LTBP4: variants seen among roughly 807,000 people sequenced by gnomAD.
LTBP4 encodes the protein latent-transforming growth factor beta-binding protein 4.
Under a neutral mutation model 180.2 loss-of-function variants are expected in LTBP4, and 93 were observed. That is an observed-to-expected ratio of 0.52 (90% CI 0.44 to 0.61). The LOEUF is 0.61. LTBP4 is among the 20% of genes least tolerant of loss of function. The probability of loss-of-function intolerance (pLI) is 0.00; values close to 1 mark genes in which losing one functional copy is unlikely to be tolerated. For missense variants in LTBP4, 2,116 were observed against 2,256.5 expected, an observed-to-expected ratio of 0.94 and a Z score of 1.26; for synonymous variants, 947 against 934.5, an observed-to-expected ratio of 1.01 and a Z score of -0.24.
At chr19:40,615,908 C>T (rs1464790711) in intron 19 of LTBP4, among the ~76,000 whole-genome samples, 1 of 152,128 alleles carries the variant, frequency 6.6e-6, no homozygotes, top group Non-Finnish European at 1.5e-5. Flanking sequence ...TAAATACATA[C>T]GTATAACATC....
At chr19:40,595,050 G>A (rs2081383225) in intron 1 of LTBP4, among the ~76,000 whole-genome samples, 2 of 152,054 alleles carry the variant, frequency 1.3e-5, no homozygotes, top group Admixed American at 6.5e-5. Context: ...TGGGGGCGGG[G>A]CTAACGCTAC....
In LTBP4 at chr19:40,626,003, G is replaced by C; in HGVS notation, c.3979G>C (p.Asp1327His). 6.2e-7 allele frequency: 1 copy of C among 1,601,306 alleles called. No homozygotes were observed. The change falls in exon 27 of 30, where the codon GAC becomes CAC. Residue 1327 changes from aspartate to histidine, a missense_variant. This residue lies in a region of LTBP4 where 488 missense variants were observed against 458.8 expected (regional missense o/e 1.06). Coordinates refer to ENST00000396819, the MANE Select transcript of LTBP4 (RefSeq NM_001042545.2). ...GMDCALCPAQ[D>H]SDDFEALCNV... Reference sequence around the variant, plus strand: ...GGACTGCGCCCTCTGCCCTGCGCAGGACTCAGGTGCTGGCACTGGCCTAGG... The same window carrying C: ...GGACTGCGCCCTCTGCCCTGCGCAGCACTCAGGTGCTGGCACTGGCCTAGG...
rs1278707858 is a variant in LTBP4, at chr19:40,616,413, A to C, written c.2813-476A>C. On this transcript the variant is annotated intron_variant, in intron 19 of 29. Transcript: ENST00000396819. ...CATCACCAGCCTGGCCAATATGATG[A>C]AACCCCATCTCTACTAAAGAAAAAA... 2.0e-5 allele frequency among the ~76,000 whole-genome samples: 3 copies of C among 152,078 alleles called. No homozygotes were observed. The East Asian group carries it at 5.8e-4, about 29-fold the overall frequency.
chr19:40,612,960 AACTCATGAG>A, intron 15 of LTBP4, 96 bp from the exon 16 acceptor site: 1 of 1,120,310 alleles, frequency 8.9e-7, no homozygotes, highest in Non-Finnish European at 1.3e-6. Context: ...CCCAGCCTCC[AACTCATGAG>A]ACTTCCCACC....
At position 40,625,917 on chromosome 19, in the gene LTBP4, G is replaced by A. The variant is rs774126104; in HGVS notation, c.3893G>A (p.Arg1298Gln). The change falls in exon 27 of 30, where the codon CGG (arginine) becomes CAG (glutamine). Residue 1298 changes from arginine (R) to glutamine (Q), a missense_variant. This residue lies in a region of LTBP4 where 488 missense variants were observed against 458.8 expected (regional missense o/e 1.06). Coordinates refer to ENST00000396819, the MANE Select transcript of LTBP4 (RefSeq NM_001042545.2). ...VGADLVCSHP[R>Q]LDRQATYTEC... is the part of the protein sequence containing the mutation. ...GCTGACCTCGTGTGCAGCCACCCTC[G>A]GCTGGACCGTCAGGCCACCTACACA... 8.1e-6 allele frequency: 13 copies of A among 1,603,544 alleles called. No individual in the cohort carries two copies. The highest frequency in any genetic ancestry group is 1.3e-5 in the African/African-American group (1 of 74,730).
intron 19 of LTBP4, among the ~76,000 whole-genome samples, chr19:40,616,167 G>GCTTGTAAT (rs1366642459): frequency 6.6e-6 from 1 of 152,002 alleles, no homozygotes; most frequent in Non-Finnish European, 1.5e-5. Flanking sequence ...GGTGGCACAA[G>GCTTGTAAT]CTTGTAATCC....
intron 1 of LTBP4, among the ~76,000 whole-genome samples, chr19:40,594,732 C>T (rs2081381931): frequency 6.6e-6 from 1 of 152,096 alleles, no homozygotes; most frequent in African/African-American, 2.4e-5. Flanking sequence ...GTCACCTGCC[C>T]CAGGGACTGT....
At chr19:40,604,938 A>G in intron 1 of LTBP4, 97 bp from the exon 2 acceptor site, 1 of 1,122,618 alleles carries the variant, frequency 8.9e-7, no homozygotes, top group South Asian at 1.5e-5. Context: ...CTAAGGGCGG[A>G]GCGACTTAGA....
At chr19:40,602,550 C>T (rs569554839) in intron 1 of LTBP4, among the ~76,000 whole-genome samples, 6 of 152,296 alleles carry the variant, frequency 3.9e-5, no homozygotes, top group Admixed American at 3.3e-4. Flanking sequence ...GCCTGAGCCC[C>T]CGCCCGCTGC....
upstream of LTBP4, chr19:40,599,750 A>T (rs917174914): frequency 3.4e-5 from 20 of 593,704 alleles, no homozygotes; most frequent in Non-Finnish European, 5.3e-5. Context: ...CCATCTCTGC[A>T]TTATTTCTGT....
chr19:40,614,833 A>G (rs2081535662), intron 19 of LTBP4, among the ~76,000 whole-genome samples: 1 of 151,212 alleles, frequency 6.6e-6, no homozygotes, highest in Admixed American at 6.6e-5. Flanking sequence ...CGCGCCCTCC[A>G]CCAGTCCTAC....
In LTBP4 at chr19:40,625,985, G is replaced by A. The variant is rs377003640; in HGVS notation, c.3961G>A (p.Ala1321Thr). Reference protein sequence around the residue: ...LYGEAWGMDCALCPAQDSDDF... With the variant: ...LYGEAWGMDCTLCPAQDSDDF... ...TGGAGAGGCCTGGGGCATGGACTGC[G>A]CCCTCTGCCCTGCGCAGGACTCAGG... The change falls in exon 27 of 30, where the codon GCC becomes ACC. Residue 1321 changes from alanine (A) to threonine (T), a missense_variant. Around this residue, in one of 5 missense-constraint regions of LTBP4, gnomAD observed 488 missense variants for 458.8 expected, o/e 1.06. Coordinates refer to ENST00000396819, the MANE Select transcript of LTBP4 (RefSeq NM_001042545.2). 9.4e-5 allele frequency: 151 copies of A among 1,606,520 alleles called. 1 individual carries two copies. In the South Asian group the frequency reaches 1.1e-3, roughly 12 times the overall value.
upstream of LTBP4, chr19:40,599,655 C>T (rs1169264343): frequency 8.7e-7 from 1 of 1,144,074 alleles, no homozygotes; most frequent in Non-Finnish European, 1.3e-6. Context: ...CTCTCTCTCC[C>T]CCCTCCCTCC....
rs1431178450 is a variant in LTBP4 at position 40,614,408 on chromosome 19, A to C, written c.2774A>C (p.Asp925Ala). 4.4e-6 allele frequency: 7 copies of C among 1,599,696 alleles called. No individual in the cohort carries two copies. Among genetic ancestry groups the C allele is most frequent in the Non-Finnish European group, 5.9e-6 (7 of 1,179,754 alleles). The stretch of plus-strand genomic sequence containing the variant: ...TCCTACCGCTGTGTCCGGGACTGCG[A>C]TCCTGGGTACCACGCGGGCCCCGAG... ...PGSYRCVRDC[D>A]PGYHAGPEGT... The change falls in exon 19 of 30, where the codon GAT (aspartate) becomes GCT (alanine). Residue 925 changes from aspartate (D) to alanine (A), a missense_variant. Coordinates refer to ENST00000396819, the MANE Select transcript of LTBP4 (RefSeq NM_001042545.2).
chr19:40,608,394 G>A lies in LTBP4; in HGVS notation c.1306+25G>A, dbSNP rs760223389. On this transcript the variant is annotated intron_variant, in intron 8 of 29. Coordinates refer to ENST00000396819, the MANE Select transcript of LTBP4 (RefSeq NM_001042545.2). ...GGTGAGCTGGCTCTGGCAGAAGTGG[G>A]TGCCATCTTCAAGGGGCTGCCCCAG... 9.9e-6 allele frequency: 16 copies of A among 1,609,098 alleles called. No individual in the cohort carries two copies. In the Admixed American group the frequency reaches 1.3e-4, roughly 14 times the overall value.
chr19:40,607,183 C>G (rs1352941535), intron 6 of LTBP4, among the ~76,000 whole-genome samples, 182 bp from the exon 7 acceptor site: 3 of 152,200 alleles, frequency 2.0e-5, no homozygotes, highest in East Asian at 1.9e-4. Flanking sequence ...AGGCTCCAAG[C>G]CCTTCTCAGA....
At chr19:40,614,504 C>A in intron 19 of LTBP4, 58 bp downstream of exon 19, 1 of 1,554,416 alleles carries the variant, frequency 6.4e-7, no homozygotes, top group Admixed American at 1.8e-5. Flanking sequence ...GGAGGCTGCT[C>A]CCTTGGGGAC....
rs754030274 is a variant in LTBP4, at chr19:40,611,571, A to T, written c.2053+177A>T. Among the ~76,000 whole-genome samples the T allele has an allele frequency of 6.6e-6, 1 of 151,786 alleles. No individual in the cohort carries two copies. The highest frequency in any genetic ancestry group is 1.5e-5 in the Non-Finnish European group (1 of 67,928). On this transcript the variant is annotated intron_variant, in intron 13 of 29. Transcript: ENST00000396819. This position sits in a 1 kb window ranked among gnomAD's most constrained non-coding sequence, Gnocchi z 4.4. Reference sequence around the variant, plus strand: ...TCAACAAAATAAGGCAGTCCTCCCCACCCCTCCTCCCTTTTTGAAAGATAC... The same window carrying T: ...TCAACAAAATAAGGCAGTCCTCCCCTCCCCTCCTCCCTTTTTGAAAGATAC...
At position 40,610,590 on chromosome 19, in the gene LTBP4, G is replaced by T. The variant is rs1461675839; in HGVS notation, c.1743G>T (p.Thr581=). ...GTGACCTCGGGCGCTGCGAGAACAC[G>T]CCAGGCAGCTTCCTGTGCGTGTGCC... The part of the protein sequence containing the change: ...PPCDLGRCEN[T]PGSFLCVCPA... The change falls in exon 12 of 30, where the codon ACG becomes ACT. Residue 581 remains threonine, a synonymous_variant. Coordinates refer to ENST00000396819, the MANE Select transcript of LTBP4 (RefSeq NM_001042545.2). The T allele has an allele frequency of 1.3e-6, 2 of 1,590,376 alleles. No individual in the cohort carries two copies. The highest frequency in any genetic ancestry group is 2.2e-5 in the South Asian group (2 of 89,092).
Sources: gnomAD v4.1 joint callset for allele counts (sites outside exome capture counted in the v4.1 genomes callset) on GRCh38, gnomAD v4.1.1 for gene constraint, gnomAD v4.1.1 regional missense constraint, Gnocchi (gnomAD v3.1) non-coding constraint, MANE v1.5 for transcripts, NCBI Gene and HGNC (gene_info 2026-07-23, HGNC 2026-07-21) for gene names.